DNMT3A: variants seen among roughly 807,000 people sequenced by gnomAD.
The protein encoded by DNMT3A is DNA methyltransferase 3 alpha, also known as DNA (cytosine-5)-methyltransferase 3A.
Under a neutral mutation model 117.6 loss-of-function variants are expected in DNMT3A, and 267 were observed. That is an observed-to-expected ratio of 2.27 (90% CI 2.05 to 2.51). The LOEUF is 2.51. Ranked by LOEUF, DNMT3A falls within the 30% of genes most tolerant of loss-of-function variation. DNMT3A has a pLI of 0.00. For synonymous variants in DNMT3A, 432 were observed against 474.8 expected (o/e 0.91, Z 1.17); for missense variants, 1,029 against 1,260.2 (o/e 0.82, Z 2.78).
intron 3 of DNMT3A, among the ~76,000 whole-genome samples, chr2:25,289,972 T>C (rs1051248000): frequency 9.9e-5 from 15 of 152,196 alleles, no homozygotes; most frequent in African/African-American, 3.4e-4. Context: ...TGATTTTTTC[T>C]TTCTTTTTTT....
intron 1 of DNMT3A, among the ~76,000 whole-genome samples, chr2:25,319,404 C>T (rs979531193): frequency 6.6e-6 from 1 of 152,306 alleles, no homozygotes; most frequent in Admixed American, 6.5e-5. Context: ...CCCACCTCAG[C>T]ATCCCAAAGT....
Position 25,237,042 on chromosome 2 carries a change from T to G in DNMT3A, c.2409-37A>C, listed in dbSNP as rs376271785. ...AAGAGAGACTGTAACAACAGAAACC[T>G]GGATAACAGCGGGAAGGGCCCCAGC... On this transcript the variant is annotated intron_variant, in intron 20 of 22. Coordinates refer to ENST00000321117, the MANE Select transcript of DNMT3A (RefSeq NM_022552.5). This position sits in a 1 kb window ranked among gnomAD's most constrained non-coding sequence, Gnocchi z 5.4. The G allele has an allele frequency of 1.9e-6, 3 of 1,609,020 alleles. No individual in the cohort carries two copies. The highest frequency in any genetic ancestry group is 2.5e-6 in the Non-Finnish European group (3 of 1,177,460).
intron 1 of DNMT3A, among the ~76,000 whole-genome samples, chr2:25,329,595 C>T (rs2034930640): frequency 1.3e-5 from 2 of 151,776 alleles, no homozygotes; most frequent in African/African-American, 2.4e-5. Context: ...CCCCGTGCCA[C>T]TAGAATGGGG....
intron 16 of DNMT3A, 93 bp downstream of exon 16, chr2:25,243,804 TA>T: frequency 7.6e-7 from 1 of 1,313,414 alleles, no homozygotes; most frequent in Non-Finnish European, 1.1e-6. Flanking sequence ...GCTGTGAAGC[TA>T]ACCATCATTT....
chr2:25,328,761 C>T (rs1157694160), intron 1 of DNMT3A: 4 of 479,166 alleles, frequency 8.3e-6, no homozygotes, highest in African/African-American at 2.0e-5. Context: ...CAAGGCACTG[C>T]GTCAGTGGAA....
At chr2:25,249,871 A>G in intron 6 of DNMT3A, 1 of 895,976 alleles carries the variant, frequency 1.1e-6, no homozygotes, top group South Asian at 1.6e-5. Flanking sequence ...CATTTTCTAC[A>G]TGCCTTTCAA....
rs998082727 is a variant in DNMT3A, at chr2:25,237,847, G to A, written c.2409-842C>T. 3.3e-5 allele frequency among the ~76,000 whole-genome samples: 5 copies of A among 152,044 alleles called. No homozygotes were observed. The highest frequency in any genetic ancestry group is 4.8e-5 in the African/African-American group (2 of 41,382). On this transcript the variant is annotated intron_variant, in intron 20 of 22. Transcript: ENST00000321117. This position sits in a 1 kb window ranked among gnomAD's most constrained non-coding sequence, Gnocchi z 5.4. ...TGACATTAAATATGTCACTTCTCAG[G>A]GTGCAGGCCACATAACTGACTGGCT...
At chr2:25,239,030 G>A in intron 20 of DNMT3A, 100 bp downstream of exon 20, 2 of 965,222 alleles carry the variant, frequency 2.1e-6, no homozygotes, top group Non-Finnish European at 3.1e-6. Flanking sequence ...ATTCAGCAGA[G>A]GCCGGCCAGA....
chr2:25,246,883 G>A, intron 9 of DNMT3A, 107 bp from the exon 10 acceptor site: 1 of 1,539,400 alleles, frequency 6.5e-7, no homozygotes, highest in Non-Finnish European at 8.8e-7. Context: ...GGCAAGATGG[G>A]GAGGAACCGC....
Position 25,234,347 on chromosome 2 carries a change from G to GGCCCAGCAGTCTCT in DNMT3A, c.2657_2670dup (p.Ser892AspfsTer19). 1 of 1,614,088 alleles carries GGCCCAGCAGTCTCT rather than the reference G, an allele frequency of 6.2e-7. No homozygotes were observed. Among genetic ancestry groups the GGCCCAGCAGTCTCT allele is most frequent in the Non-Finnish European group, 8.5e-7 (1 of 1,179,986 alleles). On this transcript the variant is annotated frameshift_variant, in exon 23 of 23. Coordinates refer to ENST00000321117, the MANE Select transcript of DNMT3A (RefSeq NM_022552.5). LOFTEE classifies it high-confidence loss of function. The surrounding 1 kb of genome is among the most constrained non-coding windows in gnomAD (Gnocchi z 4.5). ...CGGATGACTGGCACGCTCCATGACC[G>GGCCCAGCAGTCTCT]GCCCAGCAGTCTCTGCCTCGCCAAG...
Position 25,240,660 on chromosome 2 carries a change from G to A in DNMT3A, c.2153C>T (p.Pro718Leu). 1 of 1,614,248 alleles carries A rather than the reference G, an allele frequency of 6.2e-7. No individual in the cohort carries two copies. The highest frequency in any genetic ancestry group is 8.5e-7 in the Non-Finnish European group (1 of 1,180,040). The change falls in exon 18 of 23, where the codon CCT (proline) becomes CTT (leucine). Residue 718 changes from proline to leucine, a missense_variant. Coordinates refer to ENST00000321117, the MANE Select transcript of DNMT3A (RefSeq NM_022552.5). ...CCTACCGTAGAGGCCCTTGCGAGCAGGGTTGACGATGGAGAGGTCATTGCA... is the reference window on the plus strand; with the variant it reads ...CCTACCGTAGAGGCCCTTGCGAGCAAGGTTGACGATGGAGAGGTCATTGCA... Reference protein sequence around the residue: ...SPCNDLSIVNPARKGLYEGTG... With the variant: ...SPCNDLSIVNLARKGLYEGTG...
rs894075563 is a variant in DNMT3A at position 25,327,692 on chromosome 2, G to A, written c.-177-13531C>T. ...GACACCTGGGCATAAGTTAACATAC[G>A]CCTCCTACTGCCAGGGGCTCCAGCT... On this transcript the variant is annotated intron_variant, in intron 1 of 22. Transcript: ENST00000321117. This position sits in a 1 kb window ranked among gnomAD's most constrained non-coding sequence, Gnocchi z 4.1. 4.6e-5 allele frequency among the ~76,000 whole-genome samples: 7 copies of A among 152,140 alleles called. No homozygotes were observed. Among genetic ancestry groups the A allele is most frequent in the Admixed American group, 1.3e-4 (2 of 15,282 alleles).
In DNMT3A at chr2:25,232,490, C is replaced by T. The variant is rs1012750862; in HGVS notation, c.*1789G>A. The T allele has an allele frequency of 6.6e-6, 1 of 152,310 alleles. No homozygotes were observed. The highest frequency in any genetic ancestry group is 1.5e-5 in the Non-Finnish European group (1 of 68,124). The allele number at this position is 152,310 out of a possible 1,614,324, so 9.4% of individuals were successfully genotyped here. A position where few individuals can be genotyped will look rare whatever the true frequency, so the allele number is the denominator to read the frequency against. ...TACTAGAAAAGAAATACACACCACT[C>T]CAATCACACACACAAGGAGAGAGAC... is the stretch of plus-strand genomic sequence containing the variant. On this transcript the variant is annotated 3_prime_UTR_variant, in exon 23 of 23. Coordinates refer to ENST00000321117, the MANE Select transcript of DNMT3A (RefSeq NM_022552.5). The surrounding 1 kb of genome is among the most constrained non-coding windows in gnomAD (Gnocchi z 4.1).
At chr2:25,303,116 T>A (rs1287398170) in intron 2 of DNMT3A, among the ~76,000 whole-genome samples, 5 of 152,246 alleles carry the variant, frequency 3.3e-5, no homozygotes, top group Non-Finnish European at 5.9e-5. Context: ...TGCCCATAAA[T>A]TCTGGGCTTT....
chr2:25,316,085 G>T (rs890208908), intron 1 of DNMT3A, among the ~76,000 whole-genome samples: 3 of 152,194 alleles, frequency 2.0e-5, no homozygotes, highest in Non-Finnish European at 1.5e-5. Context: ...GGCCCCACAG[G>T]CACAGTGGAC....
At chr2:25,315,976 C>A (rs915674274) in intron 1 of DNMT3A, among the ~76,000 whole-genome samples, 5 of 152,232 alleles carry the variant, frequency 3.3e-5, no homozygotes, top group African/African-American at 1.2e-4. Flanking sequence ...GGGATCTACT[C>A]CTGACGGAGG....
At chr2:25,284,522 C>T (rs986252630) in intron 3 of DNMT3A, among the ~76,000 whole-genome samples, 3 of 151,598 alleles carry the variant, frequency 2.0e-5, no homozygotes, top group Admixed American at 6.6e-5. Flanking sequence ...TGGTGCATGC[C>T]TGTCATCTCA....
At chr2:25,312,837 G>T (rs555678108) in intron 2 of DNMT3A, among the ~76,000 whole-genome samples, 1 of 152,322 alleles carries the variant, frequency 6.6e-6, no homozygotes, top group African/African-American at 2.4e-5. Context: ...TAGCCCCAGA[G>T]TGCCCAGGGC....
At chr2:25,303,343 C>T (rs1038893106) in intron 2 of DNMT3A, among the ~76,000 whole-genome samples, 4 of 152,222 alleles carry the variant, frequency 2.6e-5, no homozygotes, top group Non-Finnish European at 5.9e-5. Flanking sequence ...TTGGGGGCCC[C>T]GACAGGCCAC....
Sources: gnomAD v4.1 joint callset for allele counts (sites outside exome capture counted in the v4.1 genomes callset) on GRCh38, gnomAD v4.1.1 for gene constraint, Gnocchi (gnomAD v3.1) non-coding constraint, MANE v1.5 for transcripts, NCBI Gene and HGNC (gene_info 2026-07-23, HGNC 2026-07-21) for gene names.